The following CALN1 variants were observed in gnomAD, a reference collection of about 807,000 sequenced individuals.
The protein encoded by CALN1 is calcium-binding protein 8.
A neutral mutation model predicts 30.6 loss-of-function variants in CALN1; 17 were observed. The ratio of observed to expected loss-of-function variants is 0.56; its 90% CI spans 0.38 to 0.83. The LOEUF (loss-of-function observed/expected upper bound fraction) is 0.83. Among genes scored for constraint, CALN1 ranks in the 40% least tolerant of loss-of-function variants. The pLI, the probability that CALN1 is intolerant of heterozygous loss-of-function variation, is 0.00. For missense variants in CALN1, 291 were observed against 354.9 expected (o/e 0.82, Z 1.45); for synonymous variants, 156 against 131.4 (o/e 1.19, Z -1.28).
intron 2 of CALN1, among the ~76,000 whole-genome samples, chr7:72,299,877 T>C (rs1028937188): frequency 1.3e-5 from 2 of 151,296 alleles, no homozygotes; most frequent in Non-Finnish European, 3.0e-5. Context: ...TTGTTTCAAT[T>C]TTTGTTTTGT....
At chr7:72,475,192 G>A in the CALN1 span, among the ~76,000 whole-genome samples, 1 of 152,094 alleles carries the variant, frequency 6.6e-6, no homozygotes. Context: ...GGCAGGGTGC[G>A]GTGGCTCAGG....
intron 6 of CALN1, among the ~76,000 whole-genome samples, chr7:71,802,859 C>T (rs1333736838): frequency 4.0e-5 from 6 of 151,232 alleles, no homozygotes; most frequent in Non-Finnish European, 8.8e-5. Flanking sequence ...CTTGTCTGTA[C>T]TAAAAATACA....
chr7:71,923,905 T>C (rs1365845122), intron 5 of CALN1, among the ~76,000 whole-genome samples: 2 of 152,080 alleles, frequency 1.3e-5, no homozygotes, highest in Non-Finnish European at 2.9e-5. Context: ...AAGATTAGGA[T>C]TTCAGGGCTG....
At chr7:72,327,321 C>T (rs1241590394) in intron 2 of CALN1, among the ~76,000 whole-genome samples, 2 of 152,210 alleles carry the variant, frequency 1.3e-5, no homozygotes, top group East Asian at 1.9e-4. Context: ...TGGTGAAACC[C>T]GTCTCTACTA....
At chr7:72,297,021 G>T (rs1425115294) in intron 2 of CALN1, among the ~76,000 whole-genome samples, 1 of 151,766 alleles carries the variant, frequency 6.6e-6, no homozygotes, top group Middle Eastern at 3.2e-3. Context: ...GTGATGTTAG[G>T]GTGTCAATTT....
At chr7:71,854,647 G>A (rs926856066) in intron 5 of CALN1, among the ~76,000 whole-genome samples, 1 of 152,196 alleles carries the variant, frequency 6.6e-6, no homozygotes, top group African/African-American at 2.4e-5. Flanking sequence ...TTACTTTGAA[G>A]ATTGGCAGTT....
At chr7:72,077,639 TC>T (rs1036131597) in intron 4 of CALN1, among the ~76,000 whole-genome samples, 17 of 152,300 alleles carry the variant, frequency 1.1e-4, no homozygotes, top group Admixed American at 1.1e-3. Context: ...AGTCTTGTTT[TC>T]CCTGGACAAA....
intron 2 of CALN1, among the ~76,000 whole-genome samples, chr7:72,315,504 C>T (rs150664252): frequency 2.0e-5 from 3 of 151,976 alleles, no homozygotes; most frequent in East Asian, 1.9e-4. Flanking sequence ...CCCGGGAGTT[C>T]GGGACCAGCC....
chr7:71,967,475 AC>A (rs1405252908), intron 5 of CALN1, among the ~76,000 whole-genome samples: 2 of 151,932 alleles, frequency 1.3e-5, no homozygotes, highest in Non-Finnish European at 2.9e-5. Context: ...TAAAAATCAA[AC>A]AAATTAACTG....
At chr7:72,488,840 T>G in the CALN1 span, among the ~76,000 whole-genome samples, 1 of 152,134 alleles carries the variant, frequency 6.6e-6, no homozygotes, top group South Asian at 2.1e-4. Flanking sequence ...CATAGCACCA[T>G]GCCCAGGTAA....
At chr7:72,501,823 C>T in the CALN1 span, among the ~76,000 whole-genome samples, 7 of 145,872 alleles carry the variant, frequency 4.8e-5, no homozygotes, top group Non-Finnish European at 4.5e-5. Flanking sequence ...GCAGGAGAAT[C>T]GCTTGAAACC....
chr7:72,342,910 C>A (rs965784355), intron 2 of CALN1, among the ~76,000 whole-genome samples: 3 of 150,680 alleles, frequency 2.0e-5, no homozygotes, highest in African/African-American at 7.5e-5. Context: ...TTCATGTCTT[C>A]CATCAAAGTA....
intron 3 of CALN1, among the ~76,000 whole-genome samples, chr7:72,108,732 A>G (rs762679946): frequency 4.6e-5 from 7 of 152,060 alleles, no homozygotes; most frequent in Non-Finnish European, 7.4e-5. Flanking sequence ...GGCATCCACC[A>G]TCTTGTCTCA....
chr7:71,817,796 G>C (rs1788354372), intron 5 of CALN1, among the ~76,000 whole-genome samples: 2 of 152,060 alleles, frequency 1.3e-5, no homozygotes, highest in African/African-American at 4.8e-5. Flanking sequence ...TTACAGGTGT[G>C]AGCCACTGCA....
In CALN1 at chr7:72,205,563, T is replaced by TATATATATA. The variant is rs1562733688; in HGVS notation, c.244+73122_244+73123insTATATATAT. ...ATTGCAAAAAAAAAATATATATATA[T>TATATATATA]ATATGTATATATATATATATATATT... On this transcript the variant is annotated intron_variant, in intron 3 of 6. Coordinates refer to ENST00000395275, the MANE Select transcript of CALN1 (RefSeq NM_031468.4). Among the ~76,000 whole-genome samples the TATATATATA allele has an allele frequency of 1.8e-5, 2 of 109,692 alleles. 1 individual carries two copies. Among genetic ancestry groups the TATATATATA allele is most frequent in the East Asian group, 7.9e-4 (2 of 2,544 alleles). The allele number at this position is 109,692 out of a possible 152,430, so 72.0% of individuals were successfully genotyped here.
intron 5 of CALN1, among the ~76,000 whole-genome samples, chr7:71,892,579 C>G (rs1345135813): frequency 1.3e-5 from 2 of 152,316 alleles, no homozygotes; most frequent in Admixed American, 1.3e-4. Context: ...GAGCCGAGAT[C>G]ATGCTATTGC....
intron 2 of CALN1, among the ~76,000 whole-genome samples, chr7:72,340,694 T>C (rs1454165416): frequency 1.3e-5 from 2 of 152,206 alleles, no homozygotes; most frequent in Non-Finnish European, 2.9e-5. Flanking sequence ...GAAGGTGATA[T>C]GGTTTGGCTG....
intron 3 of CALN1, among the ~76,000 whole-genome samples, chr7:72,235,092 G>A (rs1439327343): frequency 6.6e-6 from 1 of 151,982 alleles, no homozygotes; most frequent in African/African-American, 2.4e-5. Flanking sequence ...GAGCAATATA[G>A]CGAGACTCTG....
chr7:72,283,188 G>A (rs1797851367), intron 2 of CALN1, among the ~76,000 whole-genome samples: 1 of 151,990 alleles, frequency 6.6e-6, no homozygotes, highest in Non-Finnish European at 1.5e-5. Context: ...TGTAAAATGG[G>A]TTTTAATATA....
Sources: gnomAD v4.1 joint callset for allele counts (sites outside exome capture counted in the v4.1 genomes callset) on GRCh38, gnomAD v4.1.1 for gene constraint, MANE v1.5 for transcripts, NCBI Gene and HGNC (gene_info 2026-07-23, HGNC 2026-07-21) for gene names.